The following MPPED2 variants were observed in gnomAD, a reference collection of about 807,000 sequenced individuals.
MPPED2 encodes the protein metallophosphoesterase MPPED2.
Under a neutral mutation model 33.0 loss-of-function variants are expected in MPPED2, and 5 were observed. The ratio of observed to expected loss-of-function variants is 0.15; its 90% CI spans 0.08 to 0.32. MPPED2 has a LOEUF of 0.32. MPPED2 is among the 10% of genes least tolerant of loss of function. MPPED2 has a pLI of 1.00. For missense variants in MPPED2, 275 were observed against 372.1 expected (o/e 0.74, Z 2.15); for synonymous variants, 136 against 141.9 (o/e 0.96, Z 0.29).
intron 4 of MPPED2, among the ~76,000 whole-genome samples, chr11:30,433,061 A>T (rs562309691): frequency 6.6e-6 from 1 of 152,330 alleles, no homozygotes; most frequent in East Asian, 1.9e-4. Context: ...GAAGCTGGGT[A>T]CAGGGACTAT....
chr11:30,463,307 C>A (rs373199038), intron 4 of MPPED2, among the ~76,000 whole-genome samples: 3 of 152,158 alleles, frequency 2.0e-5, no homozygotes, highest in African/African-American at 7.2e-5. Flanking sequence ...GTAAACAGCT[C>A]GTAGTGGACA....
In MPPED2 at chr11:30,395,546, A is replaced by AC. The variant is rs1947829501; in HGVS notation, c.767-6591_767-6590insG. 2.0e-5 allele frequency among the ~76,000 whole-genome samples: 3 copies of AC among 152,160 alleles called. No individual in the cohort carries two copies. In the South Asian group the frequency reaches 6.2e-4, roughly 31 times the overall value. On this transcript the variant is annotated intron_variant, in intron 6 of 6. Transcript: ENST00000448418. Reference sequence around the variant, plus strand: ...GCATGGATTCAATTTTTCAAAAATCATTTATATTAGAAAGAAGCCTCTCAT... The same window carrying AC: ...GCATGGATTCAATTTTTCAAAAATCACTTTATATTAGAAAGAAGCCTCTCAT...
At chr11:30,529,822 G>T (rs1954415633) in intron 3 of MPPED2, among the ~76,000 whole-genome samples, 1 of 152,134 alleles carries the variant, frequency 6.6e-6, no homozygotes, top group Admixed American at 6.6e-5. Context: ...CTGGGATGTT[G>T]GTTACAGTCA....
chr11:30,421,257 C>T (rs865909232), intron 4 of MPPED2, among the ~76,000 whole-genome samples: 1 of 152,116 alleles, frequency 6.6e-6, no homozygotes, highest in Non-Finnish European at 1.5e-5. Context: ...ACCCCACAGC[C>T]ATATTCCCCC....
intron 6 of MPPED2, among the ~76,000 whole-genome samples, chr11:30,398,027 G>C (rs771164186): frequency 1.3e-5 from 2 of 151,994 alleles, no homozygotes; most frequent in Non-Finnish European, 2.9e-5. Context: ...CAATTTGTAG[G>C]AAACAAAAGA....
intron 2 of MPPED2, among the ~76,000 whole-genome samples, chr11:30,545,023 G>A (rs891132496): frequency 1.3e-5 from 2 of 152,184 alleles, no homozygotes; most frequent in Non-Finnish European, 2.9e-5. Context: ...GAGTAAACAA[G>A]CATGGCAGAA....
rs1554919022 is a variant in MPPED2, at chr11:30,583,134, C to CTTTTTTTCTTTTTTTTTTTTTTTTTTTTT, written c.-121-2641_-121-2640insAAAAAAAAAAAAAAAAAAAAAGAAAAAAA. Reference sequence around the variant, plus strand: ...CACAAACACCTGGAAAAGACTTTTTCTTTTTTTTTTTTTTTTTTTTTTTTT... The same window carrying CTTTTTTTCTTTTTTTTTTTTTTTTTTTTT: ...CACAAACACCTGGAAAAGACTTTTTCTTTTTTTCTTTTTTTTTTTTTTTTTTTTTTTTTTTTTTTTTTTTTTTTTTTTTT... On this transcript the variant is annotated intron_variant, in intron 1 of 6. Transcript: ENST00000358117. Among the ~76,000 whole-genome samples, 215 of 96,572 alleles carry CTTTTTTTCTTTTTTTTTTTTTTTTTTTTT rather than the reference C, an allele frequency of 2.2e-3. 18 individuals carry two copies. Among genetic ancestry groups the CTTTTTTTCTTTTTTTTTTTTTTTTTTTTT allele is most frequent in the Non-Finnish European group, 3.1e-3 (154 of 50,458 alleles). The allele number at this position is 96,572 out of a possible 152,430, so 63.4% of individuals were successfully genotyped here. A position where few individuals can be genotyped will look rare whatever the true frequency, so the allele number is the denominator to read the frequency against.
At chr11:30,555,560 G>A (rs1043817920) in intron 2 of MPPED2, among the ~76,000 whole-genome samples, 20 of 152,018 alleles carry the variant, frequency 1.3e-4, no homozygotes, top group Admixed American at 2.6e-4. Context: ...GGTTTTTCCC[G>A]TGCCCTTCTC....
intron 3 of MPPED2, among the ~76,000 whole-genome samples, chr11:30,518,968 T>C (rs1015755017): frequency 2.0e-5 from 3 of 152,192 alleles, no homozygotes; most frequent in African/African-American, 7.2e-5. Flanking sequence ...AAAATATTCA[T>C]TTTGGAATTC....
chr11:30,443,186 T>C (rs12286602), intron 4 of MPPED2, among the ~76,000 whole-genome samples: 1 of 152,096 alleles, frequency 6.6e-6, no homozygotes, highest in Non-Finnish European at 1.5e-5. Context: ...TTTAAAAAAA[T>C]AATAAATAAA....
chr11:30,399,618 G>A (rs140004033), intron 6 of MPPED2, among the ~76,000 whole-genome samples: 3 of 152,250 alleles, frequency 2.0e-5, no homozygotes, highest in African/African-American at 7.2e-5. Context: ...ATGTGTAAAT[G>A]GACAATGGGT....
chr11:30,572,476 T>C (rs568803254), intron 2 of MPPED2, among the ~76,000 whole-genome samples: 1 of 152,114 alleles, frequency 6.6e-6, no homozygotes, highest in African/African-American at 2.4e-5. Context: ...TGTTTATATA[T>C]AAAGTGCAAA....
chr11:30,560,635 C>A (rs1467529748), intron 2 of MPPED2, among the ~76,000 whole-genome samples: 1 of 152,150 alleles, frequency 6.6e-6, no homozygotes, highest in African/African-American at 2.4e-5. Context: ...AAAGCAAGCA[C>A]CCTAATACTA....
At chr11:30,542,459 C>CA (rs59474313) in intron 2 of MPPED2, among the ~76,000 whole-genome samples, 43 of 77,616 alleles carry the variant, frequency 5.5e-4, no homozygotes, top group Non-Finnish European at 7.0e-4. Flanking sequence ...ACCAAAAGTA[C>CA]AAAAAAAAAA....
At chr11:30,581,969 C>G (rs1447878213) in intron 1 of MPPED2, among the ~76,000 whole-genome samples, 2 of 152,250 alleles carry the variant, frequency 1.3e-5, no homozygotes, top group East Asian at 3.9e-4. Flanking sequence ...GATAGACAAC[C>G]AGGCCAGTAG....
intron 3 of MPPED2, among the ~76,000 whole-genome samples, chr11:30,527,429 G>A (rs916144061): frequency 2.6e-5 from 4 of 151,370 alleles, no homozygotes; most frequent in African/African-American, 9.7e-5. Flanking sequence ...TGGTGCTGGA[G>A]ATTGTTAAGA....
chr11:30,504,165 A>C lies in MPPED2; in HGVS notation c.311-8644T>G, dbSNP rs151245267. On this transcript the variant is annotated intron_variant, in intron 3 of 6. Coordinates refer to ENST00000358117, the MANE Select transcript of MPPED2 (RefSeq NM_001584.3). Reference sequence around the variant, plus strand: ...TCACCCAAGGCACACAGAAGGAGGAAATTTTTCCTATTTAAAATTATTATT... The same window carrying C: ...TCACCCAAGGCACACAGAAGGAGGACATTTTTCCTATTTAAAATTATTATT... 2.0e-3 allele frequency among the ~76,000 whole-genome samples: 298 copies of C among 152,282 alleles called. 2 individuals carry two copies. Among genetic ancestry groups the C allele is most frequent in the Admixed American group, 5.3e-3 (81 of 15,292 alleles).
chr11:30,418,139 T>C (rs1948456591), intron 4 of MPPED2, among the ~76,000 whole-genome samples: 1 of 152,170 alleles, frequency 6.6e-6, no homozygotes. Context: ...AGGCACTCTG[T>C]CCATTAAGAT....
At chr11:30,398,686 C>T (rs1348115528) in intron 6 of MPPED2, among the ~76,000 whole-genome samples, 1 of 152,076 alleles carries the variant, frequency 6.6e-6, no homozygotes, top group Non-Finnish European at 1.5e-5. Flanking sequence ...GTTTTAGTTC[C>T]TTGCAATCAA....
Sources: gnomAD v4.1 joint callset for allele counts (sites outside exome capture counted in the v4.1 genomes callset) on GRCh38, gnomAD v4.1.1 for gene constraint, MANE v1.5 for transcripts, NCBI Gene and HGNC (gene_info 2026-07-23, HGNC 2026-07-21) for gene names.